WNT8B: variants seen among roughly 807,000 people sequenced by gnomAD.
WNT8B encodes protein Wnt-8b.
WNT8B carries 24 observed loss-of-function variants against 36.6 expected under a neutral mutation model. That is an observed-to-expected ratio of 0.66 (90% confidence interval 0.48 to 0.92). The LOEUF (loss-of-function observed/expected upper bound fraction) is 0.92. WNT8B is among the 40% of genes least tolerant of loss of function. WNT8B has a pLI of 0.00. For missense variants in WNT8B, 402 were observed against 470.8 expected (o/e 0.85, Z 1.35); for synonymous variants, 199 against 189.8 (o/e 1.05, Z -0.40).
chr10:100,481,772 G>C (rs796817520), intron 4 of WNT8B, 140 bp from the exon 5 acceptor site: 2 of 1,221,068 alleles, frequency 1.6e-6, no homozygotes, highest in Non-Finnish European at 2.2e-6. Context: ...GACGGCAACT[G>C]ATCTGGATAC....
At chr10:100,470,527 A>G (rs1173115947) in intron 1 of WNT8B, among the ~76,000 whole-genome samples, 1 of 151,596 alleles carries the variant, frequency 6.6e-6, no homozygotes, top group Non-Finnish European at 1.5e-5. Flanking sequence ...CACCATGCCC[A>G]GCTGATGACT....
rs1357148627 is a variant in WNT8B at position 100,482,065 on chromosome 10, C to T, written c.510+11C>T. 6.2e-7 allele frequency: 1 copy of T among 1,613,994 alleles called. No homozygotes were observed. Among genetic ancestry groups the T allele is most frequent in the Admixed American group, 1.7e-5 (1 of 60,020 alleles). ...GAGGCTGGCCGCAAGGTGAGTCCCG[C>T]AGCCCTTGGAAATAGGCAGCTGCTG... On this transcript the variant is annotated intron_variant, in intron 5 of 5. Coordinates refer to ENST00000343737, the MANE Select transcript of WNT8B (RefSeq NM_003393.4). The surrounding 1 kb of genome is among the most constrained non-coding windows in gnomAD (Gnocchi z 6.6).
At chr10:100,481,344 A>C (rs1401300864) in intron 4 of WNT8B, among the ~76,000 whole-genome samples, 2 of 152,156 alleles carry the variant, frequency 1.3e-5, no homozygotes, top group African/African-American at 4.8e-5. Context: ...TTTAAATATA[A>C]AAATAAAGAA....
chr10:100,472,151 C>T (rs1163452489), intron 1 of WNT8B, among the ~76,000 whole-genome samples: 5 of 150,860 alleles, frequency 3.3e-5, no homozygotes, highest in African/African-American at 1.2e-4. Flanking sequence ...TGCTCTGTCG[C>T]CCAGGCTGGA....
intron 1 of WNT8B, among the ~76,000 whole-genome samples, chr10:100,470,548 T>A (rs1007015884): frequency 6.6e-6 from 1 of 151,434 alleles, no homozygotes; most frequent in Non-Finnish European, 1.5e-5. Context: ...CAGAGACATT[T>A]TATGGACATT....
intron 4 of WNT8B, 112 bp downstream of exon 4, chr10:100,481,235 G>A (rs1851106779): frequency 1.4e-6 from 2 of 1,421,252 alleles, no homozygotes; most frequent in East Asian, 2.5e-5. Flanking sequence ...AGAAAATCAT[G>A]CGGAAGATGG....
intron 2 of WNT8B, 74 bp downstream of exon 2, chr10:100,479,159 T>G (rs556971020): frequency 7.3e-7 from 1 of 1,366,906 alleles, no homozygotes; most frequent in Admixed American, 2.2e-5. Context: ...TAAATGCAGA[T>G]TTTTCATTAT....
chr10:100,482,795 C>A lies in WNT8B; in HGVS notation c.1035C>A (p.His345Gln). The A allele has an allele frequency of 6.3e-7, 1 of 1,580,508 alleles. No individual in the cohort carries two copies. The highest frequency in any genetic ancestry group is 8.6e-7 in the Non-Finnish European group (1 of 1,161,838). The stretch of plus-strand genomic sequence containing the variant: ...AGCGGCCGCGGGGGGGCGCTGCGCA[C>A]AAACCCGGGAGAAAACCCTAAGGGT... Reference protein sequence around the residue: ...RAERPRGGAAHKPGRKP With the variant: ...RAERPRGGAAQKPGRKP The change falls in exon 6 of 6, where the codon CAC (histidine) becomes CAA (glutamine). Residue 345 changes from histidine (H) to glutamine (Q), a missense_variant. His to Gln is a conservative substitution (Grantham distance 24, BLOSUM62 0). This residue lies in a region of WNT8B where 256 missense variants were observed against 278.6 expected (regional missense o/e 0.92). Coordinates refer to ENST00000343737, the MANE Select transcript of WNT8B (RefSeq NM_003393.4). This position sits in a 1 kb window ranked among gnomAD's most constrained non-coding sequence, Gnocchi z 6.6.
At chr10:100,470,785 A>G (rs930232332) in intron 1 of WNT8B, among the ~76,000 whole-genome samples, 1 of 152,220 alleles carries the variant, frequency 6.6e-6, no homozygotes, top group Non-Finnish European at 1.5e-5. Context: ...TCTGTCGCCT[A>G]GGCTGGAGCG....
chr10:100,480,236 C>G (rs1435789523), intron 3 of WNT8B, among the ~76,000 whole-genome samples: 1 of 152,156 alleles, frequency 6.6e-6, no homozygotes, highest in East Asian at 1.9e-4. Flanking sequence ...ATGGATCTTG[C>G]CTTACTCCCA....
intron 1 of WNT8B, among the ~76,000 whole-genome samples, chr10:100,473,941 AG>A (rs1043235965): frequency 5.3e-5 from 8 of 151,110 alleles, no homozygotes; most frequent in African/African-American, 1.9e-4. Context: ...ACAAAAAAAA[AG>A]GTGACTCTTC....
rs751956291 is a variant in WNT8B at position 100,482,832 on chromosome 10, C to G, written c.*16C>G. The G allele has an allele frequency of 6.7e-6, 10 of 1,482,640 alleles. No individual in the cohort carries two copies. Among genetic ancestry groups the G allele is most frequent in the African/African-American group, 4.3e-5 (3 of 70,412 alleles). 91.8% of individuals were successfully genotyped at this position (1,482,640 alleles called of 1,614,324 possible). ...AAAACCCTAAGGGTTTCCTCTGCCCCCTCCTTTTCCCACTGGTTCTTGGCT... is the reference window on the plus strand; with the variant it reads ...AAAACCCTAAGGGTTTCCTCTGCCCGCTCCTTTTCCCACTGGTTCTTGGCT... On this transcript the variant is annotated 3_prime_UTR_variant, in exon 6 of 6. Transcript: ENST00000343737. The surrounding 1 kb of genome is among the most constrained non-coding windows in gnomAD (Gnocchi z 6.6).
In WNT8B at chr10:100,482,962, C is replaced by A; in HGVS notation, c.*146C>A. On this transcript the variant is annotated 3_prime_UTR_variant, in exon 6 of 6. Coordinates refer to ENST00000343737, the MANE Select transcript of WNT8B (RefSeq NM_003393.4). The surrounding 1 kb of genome is among the most constrained non-coding windows in gnomAD (Gnocchi z 6.6). ...AGACTGCAATTTCTCCAAAGCTTGC[C>A]ACTTTCCAGCCTGTTTCCCCAATTC... The A allele has an allele frequency of 1.1e-6, 1 of 942,896 alleles. No homozygotes were observed. Among genetic ancestry groups the A allele is most frequent in the Non-Finnish European group, 1.5e-6 (1 of 664,728 alleles). The allele number at this position is 942,896 out of a possible 1,614,324, so 58.4% of individuals were successfully genotyped here.
chr10:100,467,342 C>A (rs954837923), intron 1 of WNT8B, among the ~76,000 whole-genome samples: 2 of 152,042 alleles, frequency 1.3e-5, no homozygotes, highest in African/African-American at 4.8e-5. Context: ...AGGTTGTTTT[C>A]GCAACTTCAG....
rs756561369 is a variant in WNT8B at position 100,481,058 on chromosome 10, C to T, written c.302C>T (p.Thr101Ile). Residue 101 changes from threonine to isoleucine, a missense_variant, in exon 4 of 6, where the codon ACT becomes ATT. Physicochemically the swap from Thr to Ile is moderately conservative, Grantham distance 89. This residue lies in a region of WNT8B where 131 missense variants were observed against 152.6 expected (regional missense o/e 0.86). Coordinates refer to ENST00000343737, the MANE Select transcript of WNT8B (RefSeq NM_003393.4). Reference sequence around the variant, plus strand: ...TCTGCTGGAGTCATGTACACCCTGACTAGAAACTGCAGCCTTGGAGATTTT... The same window carrying T: ...TCTGCTGGAGTCATGTACACCCTGATTAGAAACTGCAGCCTTGGAGATTTT... ...ISSAGVMYTL[T>I]RNCSLGDFDN... 4 of 1,613,978 alleles carry T rather than the reference C, an allele frequency of 2.5e-6. No individual in the cohort carries two copies. Among genetic ancestry groups the T allele is most frequent in the Non-Finnish European group, 3.4e-6 (4 of 1,180,022 alleles).
intron 1 of WNT8B, among the ~76,000 whole-genome samples, chr10:100,472,136 A>C (rs945901289): frequency 6.3e-5 from 9 of 143,792 alleles, no homozygotes; most frequent in Non-Finnish European, 1.2e-4. Flanking sequence ...TTTGAGATGG[A>C]GTCTTGCTCT....
chr10:100,472,110 C>CTT (rs201400434), intron 1 of WNT8B, among the ~76,000 whole-genome samples: 3 of 146,192 alleles, frequency 2.1e-5, no homozygotes, highest in Non-Finnish European at 4.5e-5. Context: ...GGGAAGATTT[C>CTT]TTTTTCTTTT....
At position 100,481,902 on chromosome 10, in the gene WNT8B, A is replaced by C; in HGVS notation, c.368-10A>C. On this transcript the variant is annotated splice_polypyrimidine_tract_variant and intron_variant, in intron 4 of 5. Coordinates refer to ENST00000343737, the MANE Select transcript of WNT8B (RefSeq NM_003393.4). Reference sequence around the variant, plus strand: ...GCTCAATGACCTGTCCTCCCTCTGCACTTTTCCAGGGGGACAAGGCTGGCT... The same window carrying C: ...GCTCAATGACCTGTCCTCCCTCTGCCCTTTTCCAGGGGGACAAGGCTGGCT... 6.2e-7 allele frequency: 1 copy of C among 1,613,738 alleles called. No homozygotes were observed. Among genetic ancestry groups the C allele is most frequent in the Non-Finnish European group, 8.5e-7 (1 of 1,179,920 alleles).
chr10:100,467,080 A>C (rs1226663910), intron 1 of WNT8B, among the ~76,000 whole-genome samples: 2 of 152,088 alleles, frequency 1.3e-5, no homozygotes, highest in Non-Finnish European at 2.9e-5. Context: ...CCCACTTGAA[A>C]TACACCTGCA....
Sources: allele counts gnomAD v4.1 joint callset (sites outside exome capture counted in the v4.1 genomes callset), GRCh38; gene constraint gnomAD v4.1.1; regional missense constraint gnomAD v4.1.1; non-coding constraint Gnocchi (gnomAD v3.1); transcripts MANE v1.5; gene names NCBI Gene and HGNC (gene_info 2026-07-23, HGNC 2026-07-21).